Variants in TSPEAR observed in about 807,000 individuals in gnomAD.
TSPEAR encodes thrombospondin type laminin G domain and EAR repeats.
A neutral mutation model predicts 71.6 loss-of-function variants in TSPEAR; 69 were observed. The observed-to-expected ratio is 0.96, with a 90% CI of 0.79 to 1.18. The LOEUF is 1.18. Among genes scored for constraint, TSPEAR ranks in the 50% most tolerant of loss-of-function variants. The pLI is 0.00. For missense variants in TSPEAR, 971 were observed against 894.9 expected, an observed-to-expected ratio of 1.09 and a Z score of -1.09; for synonymous variants, 402 against 387.2, an observed-to-expected ratio of 1.04 and a Z score of -0.45.
chr21:44,637,504 C>CCA, intron 1 of TSPEAR: 1 of 1,613,308 alleles, frequency 6.2e-7, no homozygotes, highest in Non-Finnish European at 8.5e-7. Flanking sequence ...GCTGCGAGCC[C>CCA]TGCTGCTGTG....
At chr21:44,703,251 A>G (rs1987746082) in intron 1 of TSPEAR, among the ~76,000 whole-genome samples, 1 of 152,164 alleles carries the variant, frequency 6.6e-6, no homozygotes, top group African/African-American at 2.4e-5. Context: ...GAGCCACGTC[A>G]TGGGAGCATT....
intron 1 of TSPEAR, among the ~76,000 whole-genome samples, chr21:44,672,535 A>T (rs1555946183): frequency 3.9e-5 from 6 of 152,072 alleles, no homozygotes; most frequent in African/African-American, 1.4e-4. Flanking sequence ...GCGCCACTGC[A>T]CTGCAGGCTG....
rs587721702 is a variant in TSPEAR at position 44,574,373 on chromosome 21, G to A, written c.83-6368C>T. ...AATCAGGCTGCATCAGCTCCTGCAC[G>A]CCCTCGTGCTGCCAGCAGTCTAGCT... On this transcript the variant is annotated intron_variant, in intron 1 of 11. Transcript: ENST00000323084. The A allele has an allele frequency of 1.2e-4, 187 of 1,604,216 alleles. 1 individual carries two copies. The highest frequency in any genetic ancestry group is 7.3e-4 in the South Asian group (66 of 90,648).
chr21:44,521,709 G>A (rs934454519), intron 9 of TSPEAR, among the ~76,000 whole-genome samples, 174 bp downstream of exon 9: 4 of 152,234 alleles, frequency 2.6e-5, no homozygotes, highest in Non-Finnish European at 5.9e-5. Flanking sequence ...GCCAGGCAAG[G>A]ATCCTGTGCC....
chr21:44,636,658 C>T (rs1234225813), intron 1 of TSPEAR, among the ~76,000 whole-genome samples: 1 of 152,136 alleles, frequency 6.6e-6, no homozygotes, highest in East Asian at 1.9e-4. Context: ...CTCCACGCAA[C>T]CCTCACTCCA....
intron 1 of TSPEAR, among the ~76,000 whole-genome samples, chr21:44,706,422 C>T (rs1250770819): frequency 6.6e-6 from 1 of 151,504 alleles, no homozygotes; most frequent in African/African-American, 2.4e-5. Context: ...CACACACACG[C>T]GCGCACACAC....
chr21:44,598,306 C>T (rs1244191502), intron 1 of TSPEAR, among the ~76,000 whole-genome samples: 6 of 152,142 alleles, frequency 3.9e-5, no homozygotes, highest in East Asian at 1.9e-4. Context: ...AATTGTGCGG[C>T]GCAATCCCAG....
chr21:44,638,291 T>C, intron 1 of TSPEAR: 1 of 1,328,524 alleles, frequency 7.5e-7, no homozygotes, highest in Non-Finnish European at 1.0e-6. Context: ...CTCTTTGTCT[T>C]GGGGACCAGG....
At chr21:44,613,743 T>C (rs1981880698) in intron 1 of TSPEAR, among the ~76,000 whole-genome samples, 1 of 151,990 alleles carries the variant, frequency 6.6e-6, no homozygotes, top group African/African-American at 2.4e-5. Flanking sequence ...GACAAAAGCA[T>C]CATGGGGTGG....
chr21:44,517,978 G>C (rs2145950581), intron 9 of TSPEAR: 1 of 401,216 alleles, frequency 2.5e-6, no homozygotes, highest in South Asian at 1.9e-5. Context: ...TGGTTAGCCA[G>C]ATACAGACTC....
chr21:44,541,593 A>G (rs1444522878), intron 2 of TSPEAR, among the ~76,000 whole-genome samples: 5 of 152,260 alleles, frequency 3.3e-5, no homozygotes, highest in African/African-American at 1.2e-4. Flanking sequence ...ACCACAGCCA[A>G]GAGGCCGAGA....
At chr21:44,539,755 A>T (rs782427362) in intron 2 of TSPEAR, 5 of 1,607,456 alleles carry the variant, frequency 3.1e-6, no homozygotes, top group Non-Finnish European at 4.2e-6. Context: ...AGGAAGAGGC[A>T]CAGCAAGTTG....
intron 1 of TSPEAR, chr21:44,676,776 A>G (rs1341201065): frequency 5.9e-6 from 5 of 854,446 alleles, no homozygotes; most frequent in Non-Finnish European, 1.0e-5. Flanking sequence ...TACTTCCATG[A>G]TGTTCTAATG....
At chr21:44,539,112 G>C in intron 2 of TSPEAR, 1 of 1,028,326 alleles carries the variant, frequency 9.7e-7, no homozygotes, top group Non-Finnish European at 1.4e-6. Flanking sequence ...GCACCTGCTG[G>C]AAGGCAAGAG....
At chr21:44,511,076 G>GC (rs1445258924) in intron 9 of TSPEAR, 1 of 152,342 alleles carries the variant, frequency 6.6e-6, no homozygotes, top group African/African-American at 2.4e-5. Context: ...TCACAGGTGG[G>GC]CGGGGGGGAG....
At chr21:44,674,395 G>C (rs978231141) in intron 1 of TSPEAR, among the ~76,000 whole-genome samples, 3 of 151,878 alleles carry the variant, frequency 2.0e-5, no homozygotes, top group African/African-American at 4.8e-5. Flanking sequence ...TGAAAAAGGA[G>C]ACATTACAAC....
chr21:44,698,266 C>T lies in TSPEAR; in HGVS notation c.82+13167G>A, dbSNP rs531524858. On this transcript the variant is annotated intron_variant, in intron 1 of 11. Coordinates refer to ENST00000323084, the MANE Select transcript of TSPEAR (RefSeq NM_144991.3). ...TGGAAGTCCTAATAAACACCCTCCACGTAGCCCGGCTGCACTTTGCTCTCT... is the reference window on the plus strand; with the variant it reads ...TGGAAGTCCTAATAAACACCCTCCATGTAGCCCGGCTGCACTTTGCTCTCT... Among the ~76,000 whole-genome samples the T allele has an allele frequency of 4.5e-4, 69 of 152,340 alleles. 1 individual carries two copies. Among genetic ancestry groups the T allele is most frequent in the Non-Finnish European group, 7.6e-4 (52 of 68,042 alleles).
intron 1 of TSPEAR, among the ~76,000 whole-genome samples, chr21:44,572,537 C>G (rs2053818232): frequency 6.6e-6 from 1 of 152,036 alleles, no homozygotes; most frequent in African/African-American, 2.4e-5. Context: ...CCCTCGCCAC[C>G]CCCCATGCTC....
rs587760630 is a variant in TSPEAR at position 44,594,581 on chromosome 21, G to A, written c.83-26576C>T. 5.3e-5 allele frequency among the ~76,000 whole-genome samples: 8 copies of A among 152,308 alleles called. 1 individual carries two copies. Among genetic ancestry groups the A allele is most frequent in the East Asian group, 1.9e-4 (1 of 5,186 alleles). On this transcript the variant is annotated intron_variant, in intron 1 of 11. Transcript: ENST00000323084. ...CACAACCGCAGAGTGAAAACAGGTC[G>A]TATGTTACATGCATGTTTGTTCAGT... is the stretch of plus-strand genomic sequence containing the variant.
Sources: gnomAD v4.1 joint callset for allele counts (sites outside exome capture counted in the v4.1 genomes callset) on GRCh38, gnomAD v4.1.1 for gene constraint, MANE v1.5 for transcripts, NCBI Gene and HGNC (gene_info 2026-07-23, HGNC 2026-07-21) for gene names.